Variants in TRIM69 observed in about 807,000 individuals in gnomAD.
The protein encoded by TRIM69 is tripartite motif containing 69.
In TRIM69, 29 loss-of-function variants were observed where a neutral mutation model predicts 37.7. The ratio of observed to expected loss-of-function variants is 0.77; its 90% CI spans 0.57 to 1.05. The LOEUF (loss-of-function observed/expected upper bound fraction) is 1.05. TRIM69 is among the 50% of genes least tolerant of loss of function. The pLI is 0.00. For synonymous variants in TRIM69, 209 were observed against 212.4 expected (o/e 0.98, Z 0.14); for missense variants, 596 against 579.9 (o/e 1.03, Z -0.28).
chr15:44,755,643 A>C (rs2087631129), intron 2 of TRIM69, among the ~76,000 whole-genome samples: 1 of 152,244 alleles, frequency 6.6e-6, no homozygotes, highest in South Asian at 2.1e-4. Context: ...CACTGTGTAG[A>C]ATATGGATAG....
intron 1 of TRIM69, among the ~76,000 whole-genome samples, chr15:44,739,673 T>G (rs373562951): frequency 2.6e-5 from 4 of 151,960 alleles, no homozygotes; most frequent in African/African-American, 9.7e-5. Context: ...AGCGAGGCTG[T>G]GGGAGGGGCG....
At chr15:44,763,433 T>C (rs1053273979) in intron 6 of TRIM69, among the ~76,000 whole-genome samples, 27 of 152,370 alleles carry the variant, frequency 1.8e-4, no homozygotes, top group Admixed American at 1.7e-3. Context: ...TTTAATCACC[T>C]GGCTGAGGAA....
chr15:44,755,166 A>T lies in TRIM69; in HGVS notation c.273A>T (p.Thr91=). ...TGCTATGTCAGTATAACAACTGTAC[A>T]TTCAACCCTGTACTGGACAAGTTGG... ...CKMLCQYNNC[T]FNPVLDKLVE... is the part of the protein sequence containing the mutation. Residue 91 remains threonine (T), a synonymous_variant, in exon 2 of 7, where the codon ACA becomes ACT. Coordinates refer to ENST00000329464, the MANE Select transcript of TRIM69 (RefSeq NM_182985.5). 1.2e-6 allele frequency: 2 copies of T among 1,614,230 alleles called. No homozygotes were observed. The highest frequency in any genetic ancestry group is 1.7e-6 in the Non-Finnish European group (2 of 1,180,030).
chr15:44,738,630 TA>T (rs1393060769), intron 1 of TRIM69, among the ~76,000 whole-genome samples: 6 of 152,212 alleles, frequency 3.9e-5, no homozygotes, highest in Admixed American at 3.3e-4. Context: ...ATCCATTTAA[TA>T]AATTCAATTC....
intron 1 of TRIM69, among the ~76,000 whole-genome samples, chr15:44,751,809 G>C (rs964149867): frequency 6.6e-6 from 1 of 151,484 alleles, no homozygotes; most frequent in African/African-American, 2.4e-5. Context: ...GTGTAGATGT[G>C]ATCTTGACTC....
chr15:44,754,300 TATTTTTAGTAGAG>T (rs1185116420), intron 1 of TRIM69: 1 of 152,248 alleles, frequency 6.6e-6, no homozygotes, highest in Non-Finnish European at 1.5e-5. Flanking sequence ...CTAATTTTTG[TATTTTTAGTAGAG>T]ATTTTTAGTA....
intron 6 of TRIM69, 123 bp from the exon 7 acceptor site, chr15:44,767,104 CCTGT>C: frequency 9.4e-6 from 2 of 213,530 alleles, no homozygotes; most frequent in South Asian, 8.5e-5. Flanking sequence ...TAATTGCTTG[CCTGT>C]CTAAGAGTCT....
In TRIM69 at chr15:44,755,276, C is replaced by G. The variant is rs2087621104; in HGVS notation, c.383C>G (p.Pro128Arg). ...GAGAACCTGAAACTGTTCAGTAAAC[C>G]AGATGGGAAACTGATCTGCTTTCAA... ...HGENLKLFSK[P>R]DGKLICFQCK... The change falls in exon 2 of 7, where the codon CCA (proline) becomes CGA (arginine). Residue 128 changes from proline (P) to arginine (R), a missense_variant. Physicochemically the swap from Pro to Arg is moderately radical, Grantham distance 103. Transcript: ENST00000329464. 1 of 1,614,148 alleles carries G rather than the reference C, an allele frequency of 6.2e-7. No homozygotes were observed. Among genetic ancestry groups the G allele is most frequent in the Non-Finnish European group, 8.5e-7 (1 of 1,180,024 alleles).
rs55736812 is a variant in TRIM69 at position 44,767,053 on chromosome 15, CAAAAAAAAAAAAAAAAA to C, written c.962-163_962-147del. 1.6e-4 allele frequency among the ~76,000 whole-genome samples: 4 copies of C among 24,316 alleles called. No individual in the cohort carries two copies. In the East Asian group the frequency reaches 7.6e-3, roughly 46 times the overall value. The allele number at this position is 24,316 out of a possible 152,430, so 16.0% of individuals were successfully genotyped here. A position where few individuals can be genotyped will look rare whatever the true frequency, so the allele number is the denominator to read the frequency against. On this transcript the variant is annotated intron_variant, in intron 6 of 6. Transcript: ENST00000329464. Reference sequence around the variant, plus strand: ...CAGCCCTGGGCAACCTTGTCTGCCTCAAAAAAAAAAAAAAAAAAAAAAAAAAAAAAAGCATATAAGTA... The same window carrying C: ...CAGCCCTGGGCAACCTTGTCTGCCTCAAAAAAAAAAAAAAGCATATAAGTA...
At chr15:44,763,449 T>G (rs946821716) in intron 6 of TRIM69, among the ~76,000 whole-genome samples, 1 of 152,226 alleles carries the variant, frequency 6.6e-6, no homozygotes, top group Non-Finnish European at 1.5e-5. Context: ...AGGAAGTGTC[T>G]GTCAGGTTTC....
At chr15:44,758,172 A>G (rs2087691975) in intron 3 of TRIM69, 1 of 168,126 alleles carries the variant, frequency 5.9e-6, no homozygotes, top group South Asian at 1.6e-4. Flanking sequence ...GAGGTAACCC[A>G]AGGAAAAAGC....
Position 44,763,120 on chromosome 15 carries a change from C to A in TRIM69, c.961+3248C>A, listed in dbSNP as rs1364102600. 2.0e-5 allele frequency among the ~76,000 whole-genome samples: 3 copies of A among 152,032 alleles called. No homozygotes were observed. The East Asian group carries it at 5.8e-4, about 29-fold the overall frequency. On this transcript the variant is annotated intron_variant, in intron 6 of 6. Coordinates refer to ENST00000329464, the MANE Select transcript of TRIM69 (RefSeq NM_182985.5). The stretch of plus-strand genomic sequence containing the variant: ...GATTTTCTTAGTTTTTACCTAATGT[C>A]ATTTTTCTGTTTTAGGTTTCCATCT...
At chr15:44,761,120 C>A (rs1020272222) in intron 6 of TRIM69, among the ~76,000 whole-genome samples, 1 of 151,952 alleles carries the variant, frequency 6.6e-6, no homozygotes, top group African/African-American at 2.4e-5. Flanking sequence ...GGGTTTCACC[C>A]TGTTAGCCAG....
chr15:44,745,081 A>C (rs1204410133), intron 1 of TRIM69, among the ~76,000 whole-genome samples: 2 of 152,188 alleles, frequency 1.3e-5, no homozygotes, highest in African/African-American at 2.4e-5. Flanking sequence ...AAAAAAAAAA[A>C]AAAACCTGAG....
intron 1 of TRIM69, among the ~76,000 whole-genome samples, chr15:44,747,029 A>G (rs1414274222): frequency 6.6e-6 from 1 of 152,220 alleles, no homozygotes; most frequent in East Asian, 1.9e-4. Context: ...GTGAGAAAGG[A>G]TGCCTAGGGA....
At chr15:44,758,949 GAAAAC>G (rs58628327) in intron 4 of TRIM69, 95 bp downstream of exon 4, 43 of 1,435,614 alleles carry the variant, frequency 3.0e-5, no homozygotes, top group Admixed American at 4.9e-5. Flanking sequence ...CACATCCAGG[GAAAAC>G]AAAACAAAAC....
At chr15:44,738,311 T>C (rs1001441077) in intron 1 of TRIM69, among the ~76,000 whole-genome samples, 2 of 151,644 alleles carry the variant, frequency 1.3e-5, no homozygotes, top group African/African-American at 2.4e-5. Flanking sequence ...CCTCAGGTGA[T>C]CCTCCTGCCT....
chr15:44,751,491 C>A (rs2087530250), intron 1 of TRIM69, among the ~76,000 whole-genome samples: 1 of 152,060 alleles, frequency 6.6e-6, no homozygotes, highest in Non-Finnish European at 1.5e-5. Flanking sequence ...TCTCAAACTC[C>A]TGGGTTCAAG....
chr15:44,752,831 T>A (rs2087564033), intron 1 of TRIM69: 1 of 152,180 alleles, frequency 6.6e-6, no homozygotes, highest in African/African-American at 2.4e-5. Context: ...GTCAACTTTA[T>A]AACGATCTAG....
Sources: gnomAD v4.1 joint callset for allele counts (sites outside exome capture counted in the v4.1 genomes callset) on GRCh38, gnomAD v4.1.1 for gene constraint, MANE v1.5 for transcripts, NCBI Gene and HGNC (gene_info 2026-07-23, HGNC 2026-07-21) for gene names.